The following KLKB1 variants were observed in gnomAD, a reference collection of about 807,000 sequenced individuals.
The protein encoded by KLKB1 is kallikrein B1, also known as plasma kallikrein.
KLKB1 carries 58 observed loss-of-function variants against 73.6 expected under a neutral mutation model. The ratio of observed to expected loss-of-function variants is 0.79; its 90% confidence interval spans 0.64 to 0.98. KLKB1 has a LOEUF of 0.98. Among genes scored for constraint, KLKB1 ranks in the 50% least tolerant of loss-of-function variants. The pLI, the probability that KLKB1 is intolerant of heterozygous loss-of-function variation, is 0.00. For synonymous variants in KLKB1, 280 were observed against 258.1 expected, an observed-to-expected ratio of 1.08 and a Z score of -0.81; for missense variants, 737 against 763.8, an observed-to-expected ratio of 0.96 and a Z score of 0.41.
intron 6 of KLKB1, among the ~76,000 whole-genome samples, chr4:186,248,227 G>A (rs1175630406): frequency 3.3e-5 from 5 of 151,204 alleles, no homozygotes; most frequent in African/African-American, 7.3e-5. Context: ...CAGCCTGGGC[G>A]ACAGAGCAAG....
chr4:186,219,746 C>T (rs1406603189), intron 2 of KLKB1, among the ~76,000 whole-genome samples: 2 of 152,214 alleles, frequency 1.3e-5, no homozygotes, highest in Non-Finnish European at 2.9e-5. Flanking sequence ...TGGAGTGACC[C>T]AAACATTCAT....
intron 13 of KLKB1, 103 bp downstream of exon 13, chr4:186,256,190 C>T: frequency 1.4e-6 from 1 of 738,638 alleles, no homozygotes; most frequent in East Asian, 2.7e-5. Context: ...TATATCTAAA[C>T]TCTTTATCTT....
chr4:186,241,022 T>C (rs116159092), intron 6 of KLKB1, among the ~76,000 whole-genome samples: 3 of 152,198 alleles, frequency 2.0e-5, no homozygotes, highest in African/African-American at 7.2e-5. Flanking sequence ...TTGCAGTGAG[T>C]TCACATGTGA....
At chr4:186,235,970 C>T (rs1431393426) in intron 4 of KLKB1, among the ~76,000 whole-genome samples, 10 of 151,858 alleles carry the variant, frequency 6.6e-5, no homozygotes, top group East Asian at 5.8e-4. Flanking sequence ...AAAAATTAGC[C>T]GGGCGTGGTG....
chr4:186,234,139 T>A, intron 4 of KLKB1, 81 bp downstream of exon 4: 2 of 1,055,998 alleles, frequency 1.9e-6, no homozygotes, highest in Non-Finnish European at 3.0e-6. Context: ...TTTGTACTGC[T>A]ACAGCTTTTT....
chr4:186,225,207 C>T (rs1737127715), upstream of KLKB1, among the ~76,000 whole-genome samples: 1 of 152,122 alleles, frequency 6.6e-6, no homozygotes, highest in Non-Finnish European at 1.5e-5. Flanking sequence ...TTCTTTTTGT[C>T]TCCTTCCTTT....
intron 4 of KLKB1, among the ~76,000 whole-genome samples, chr4:186,235,392 C>T (rs1182256765): frequency 1.3e-5 from 2 of 151,830 alleles, no homozygotes; most frequent in Non-Finnish European, 2.9e-5. Flanking sequence ...AATCTCTACA[C>T]TCAAGAACAA....
chr4:186,223,861 A>C (rs564108931), upstream of KLKB1, among the ~76,000 whole-genome samples: 5 of 152,330 alleles, frequency 3.3e-5, no homozygotes, highest in East Asian at 7.7e-4. Flanking sequence ...CAATGGGGAA[A>C]TGTCTCCAGG....
intron 6 of KLKB1, among the ~76,000 whole-genome samples, chr4:186,240,600 C>G (rs965825164): frequency 6.6e-6 from 1 of 152,166 alleles, no homozygotes; most frequent in South Asian, 2.1e-4. Context: ...AAATCCCTTA[C>G]GGCCAGTTTT....
chr4:186,257,976 C>T, intron 14 of KLKB1, 45 bp from the exon 15 acceptor site: 1 of 1,557,504 alleles, frequency 6.4e-7, no homozygotes, highest in Non-Finnish European at 8.9e-7. Flanking sequence ...ATTTGAATCC[C>T]ATTGTCGTAA....
intron 11 of KLKB1, among the ~76,000 whole-genome samples, chr4:186,253,485 T>C (rs1215694616): frequency 1.3e-5 from 2 of 152,150 alleles, no homozygotes; most frequent in Non-Finnish European, 2.9e-5. Flanking sequence ...AGATGGGAAA[T>C]AGTAGGTGTC....
At chr4:186,254,810 A>G in intron 12 of KLKB1, 47 bp downstream of exon 12, 1 of 1,499,072 alleles carries the variant, frequency 6.7e-7, no homozygotes, top group Admixed American at 1.7e-5. Flanking sequence ...GCGCTGGTTG[A>G]TATTTTCATA....
At chr4:186,223,232 C>T (rs1369296851), upstream of KLKB1, among the ~76,000 whole-genome samples, 2 of 152,110 alleles carry the variant, frequency 1.3e-5, no homozygotes, top group Non-Finnish European at 2.9e-5. Context: ...TGAAAATAAA[C>T]AATACAGAGA....
In KLKB1 at chr4:186,258,069, T is replaced by C. The variant is rs769687938; in HGVS notation, c.1774T>C (p.Leu592=). 9.3e-6 allele frequency: 15 copies of C among 1,613,962 alleles called. No individual in the cohort carries two copies. The highest frequency in any genetic ancestry group is 1.3e-5 in the Non-Finnish European group (15 of 1,179,996). ...TTGCAAACACAATGGAATGTGGCGTTTGGTGGGCATCACCAGCTGGGGTGA... is the reference window on the plus strand; with the variant it reads ...TTGCAAACACAATGGAATGTGGCGTCTGGTGGGCATCACCAGCTGGGGTGA... ...LVCKHNGMWR[L]VGITSWGEGC... The change falls in exon 15 of 15, where the codon TTG becomes CTG. Residue 592 remains leucine (L), a synonymous_variant. Coordinates refer to ENST00000264690, the MANE Select transcript of KLKB1 (RefSeq NM_000892.5).
At chr4:186,232,097 C>T (rs542759899) in intron 2 of KLKB1, 30 bp from the exon 3 acceptor site, 8 of 1,561,712 alleles carry the variant, frequency 5.1e-6, no homozygotes, top group African/African-American at 1.4e-5. Context: ...TATGAATTAT[C>T]GCAAATTAAT....
chr4:186,235,502 A>G (rs1737618362), intron 4 of KLKB1, among the ~76,000 whole-genome samples: 1 of 152,230 alleles, frequency 6.6e-6, no homozygotes, highest in African/African-American at 2.4e-5. Flanking sequence ...TCTCACATGC[A>G]GAAAAATAGG....
At chr4:186,225,902 T>C (rs1008021906), upstream of KLKB1, among the ~76,000 whole-genome samples, 3 of 152,158 alleles carry the variant, frequency 2.0e-5, no homozygotes, top group African/African-American at 7.2e-5. Flanking sequence ...CTAATGCATA[T>C]TAATTTTCTT....
At chr4:186,244,642 T>C (rs1437124435) in intron 6 of KLKB1, among the ~76,000 whole-genome samples, 2 of 149,410 alleles carry the variant, frequency 1.3e-5, no homozygotes, top group East Asian at 2.0e-4. Context: ...GTATTGAGGA[T>C]AGGAGAGTAT....
upstream of KLKB1, among the ~76,000 whole-genome samples, chr4:186,222,713 G>A (rs893609335): frequency 1.3e-5 from 2 of 152,134 alleles, no homozygotes; most frequent in African/African-American, 4.8e-5. Flanking sequence ...GGAGTATTCT[G>A]TATTTGACTG....
Sources: allele counts gnomAD v4.1 joint callset (sites outside exome capture counted in the v4.1 genomes callset), GRCh38; gene constraint gnomAD v4.1.1; transcripts MANE v1.5; gene names NCBI Gene and HGNC (gene_info 2026-07-23, HGNC 2026-07-21).